The following SLC22A23 variants were observed in gnomAD, a reference collection of about 807,000 sequenced individuals.
The protein encoded by SLC22A23 is solute carrier family 22 member 23.
Under a neutral mutation model 61.0 loss-of-function variants are expected in SLC22A23, and 26 were observed. That is an observed-to-expected ratio of 0.43 (90% CI 0.31 to 0.59). The LOEUF (loss-of-function observed/expected upper bound fraction) is 0.59. SLC22A23 is among the 20% of genes least tolerant of loss of function. SLC22A23 has a pLI of 0.11. For synonymous variants in SLC22A23, 430 were observed against 413.9 expected, an observed-to-expected ratio of 1.04 and a Z score of -0.47; for missense variants, 796 against 934.7, an observed-to-expected ratio of 0.85 and a Z score of 1.94.
At position 3,414,360 on chromosome 6, in the gene SLC22A23, G is replaced by T. The variant is rs1404962753; in HGVS notation, c.758+1392C>A. Among the ~76,000 whole-genome samples the T allele has an allele frequency of 6.6e-6, 1 of 152,068 alleles. No homozygotes were observed. The highest frequency in any genetic ancestry group is 1.5e-5 in the Non-Finnish European group (1 of 68,016). On this transcript the variant is annotated intron_variant, in intron 2 of 9. Transcript: ENST00000406686. This position sits in a 1 kb window ranked among gnomAD's most constrained non-coding sequence, Gnocchi z 5.1. ...GGTTTAAAAAAATAAACCCTGTGTT[G>T]CCTCTACCAAAGAAAGCCCCCAAGA...
rs77448197 is a variant in SLC22A23, at chr6:3,329,099, C to T, written c.914-5097G>A. Reference sequence around the variant, plus strand: ...GAGCAGGGCTTGGCCCCAGCTCCAGCGGCTAAGGCATCTGCCCACCAGAAA... The same window carrying T: ...GAGCAGGGCTTGGCCCCAGCTCCAGTGGCTAAGGCATCTGCCCACCAGAAA... On this transcript the variant is annotated intron_variant, in intron 3 of 9. Coordinates refer to ENST00000406686, the MANE Select transcript of SLC22A23 (RefSeq NM_015482.2). This position sits in a 1 kb window ranked among gnomAD's most constrained non-coding sequence, Gnocchi z 4.8. 2.1e-4 allele frequency among the ~76,000 whole-genome samples: 32 copies of T among 152,142 alleles called. No individual in the cohort carries two copies. The highest frequency in any genetic ancestry group is 7.0e-4 in the African/African-American group (29 of 41,392).
At position 3,456,254 on chromosome 6, in the gene SLC22A23, G is replaced by A; in HGVS notation, c.306C>T (p.Leu102=). 1 of 1,551,442 alleles carries A rather than the reference G, an allele frequency of 6.4e-7. No individual in the cohort carries two copies. Among genetic ancestry groups the A allele is most frequent in the South Asian group, 1.2e-5 (1 of 84,058 alleles). Residue 102 remains leucine, a synonymous_variant, in exon 1 of 10, where the codon CTC becomes CTT. Transcript: ENST00000406686. This position sits in a 1 kb window ranked among gnomAD's most constrained non-coding sequence, Gnocchi z 7.1. The part of the protein sequence containing the change: ...GGGYQKTLVL[L]TWIPALFIGF... ...CGATGAACAGCGCCGGGATCCAGGT[G>A]AGCAGCACGAGGGTCTTCTGATAGC...
chr6:3,416,197 A>G lies in SLC22A23; in HGVS notation c.655-342T>C, dbSNP rs552988139. Among the ~76,000 whole-genome samples, 14 of 152,360 alleles carry G rather than the reference A, an allele frequency of 9.2e-5. No homozygotes were observed. In the East Asian group the frequency reaches 2.5e-3, roughly 27 times the overall value. ...CGGAGACCAGGCATCCCTGAGGACC[A>G]GTGGTCCCTCACCATGAAGAGCTGC... On this transcript the variant is annotated intron_variant, in intron 1 of 9. Coordinates refer to ENST00000406686, the MANE Select transcript of SLC22A23 (RefSeq NM_015482.2).
At chr6:3,439,727 CA>C (rs1322186893) in intron 1 of SLC22A23, among the ~76,000 whole-genome samples, 2 of 152,116 alleles carry the variant, frequency 1.3e-5, no homozygotes, top group Non-Finnish European at 2.9e-5. Flanking sequence ...GAAGTGTTTA[CA>C]GAGTACCTGC....
At chr6:3,346,163 C>T (rs1764424142) in intron 3 of SLC22A23, among the ~76,000 whole-genome samples, 1 of 152,160 alleles carries the variant, frequency 6.6e-6, no homozygotes, top group Admixed American at 6.5e-5. Context: ...CGTTCAAGGG[C>T]ACAGACTCTC....
chr6:3,403,670 C>T (rs1768592887), intron 3 of SLC22A23, among the ~76,000 whole-genome samples: 1 of 152,194 alleles, frequency 6.6e-6, no homozygotes, highest in Non-Finnish European at 1.5e-5. Context: ...TAAGAGGAAG[C>T]ACCCCTGGTT....
At chr6:3,420,383 A>G (rs895137162) in intron 1 of SLC22A23, among the ~76,000 whole-genome samples, 1 of 152,206 alleles carries the variant, frequency 6.6e-6, no homozygotes, top group African/African-American at 2.4e-5. Context: ...GGAGACTCAG[A>G]AAATTTCTAA....
chr6:3,326,497 A>G (rs1490330646), intron 3 of SLC22A23, among the ~76,000 whole-genome samples: 2 of 152,110 alleles, frequency 1.3e-5, no homozygotes, highest in Non-Finnish European at 2.9e-5. Context: ...CCAAAACTGT[A>G]AGCATGTTTT....
chr6:3,425,114 T>G (rs570459652), intron 1 of SLC22A23, among the ~76,000 whole-genome samples: 1 of 152,160 alleles, frequency 6.6e-6, no homozygotes, highest in Non-Finnish European at 1.5e-5. Context: ...ATTTAAATAA[T>G]TAATACATAA....
chr6:3,335,585 G>A (rs534956520), intron 3 of SLC22A23, among the ~76,000 whole-genome samples: 4 of 152,284 alleles, frequency 2.6e-5, no homozygotes, highest in South Asian at 4.1e-4. Flanking sequence ...CAGGTGACTC[G>A]ACAGGTCACA....
chr6:3,325,061 T>TCTTG (rs1763197206), intron 3 of SLC22A23, among the ~76,000 whole-genome samples: 1 of 152,218 alleles, frequency 6.6e-6, no homozygotes, highest in Admixed American at 6.5e-5. Flanking sequence ...TCTAAAGGCT[T>TCTTG]CTTGCTTGCT....
intron 1 of SLC22A23, among the ~76,000 whole-genome samples, chr6:3,422,052 G>A (rs1034811735): frequency 3.9e-5 from 6 of 152,116 alleles, no homozygotes; most frequent in Non-Finnish European, 4.4e-5. Context: ...TTTACCAATC[G>A]CTGTGCACAC....
chr6:3,387,110 A>G lies in SLC22A23; in HGVS notation c.913+23078T>C, dbSNP rs142632618. Among the ~76,000 whole-genome samples, 14 of 152,358 alleles carry G rather than the reference A, an allele frequency of 9.2e-5. No homozygotes were observed. The East Asian group carries it at 2.7e-3, about 29-fold the overall frequency. The stretch of plus-strand genomic sequence containing the variant: ...AGCAGTGTACCTAGCCACATGGATT[A>G]TCTGCCCTTCATAGCTGTGAGTCCC... On this transcript the variant is annotated intron_variant, in intron 3 of 9. Coordinates refer to ENST00000406686, the MANE Select transcript of SLC22A23 (RefSeq NM_015482.2). This position sits in a 1 kb window ranked among gnomAD's most constrained non-coding sequence, Gnocchi z 5.0.
At chr6:3,413,793 G>T (rs1769452335) in intron 2 of SLC22A23, among the ~76,000 whole-genome samples, 1 of 152,190 alleles carries the variant, frequency 6.6e-6, no homozygotes, top group South Asian at 2.1e-4. Flanking sequence ...CAAGGCTCAA[G>T]CAGGGAGTCA....
chr6:3,339,284 C>G (rs1458052575), intron 3 of SLC22A23, among the ~76,000 whole-genome samples: 3 of 152,194 alleles, frequency 2.0e-5, no homozygotes, highest in African/African-American at 7.2e-5. Context: ...TAGATGAAGA[C>G]AGATGGTGAT....
At chr6:3,281,852 C>T (rs1370859069) in intron 9 of SLC22A23, among the ~76,000 whole-genome samples, 3 of 152,116 alleles carry the variant, frequency 2.0e-5, no homozygotes, top group Admixed American at 2.0e-4. Flanking sequence ...TTCCTTTCAT[C>T]CTCTGCAGGC....
intron 9 of SLC22A23, among the ~76,000 whole-genome samples, chr6:3,277,741 G>T (rs149273549): frequency 2.0e-5 from 3 of 152,338 alleles, no homozygotes; most frequent in Non-Finnish European, 4.4e-5. Flanking sequence ...GCTATAGTCG[G>T]ATTTCTAGAC....
chr6:3,379,069 C>T (rs1766789387), intron 3 of SLC22A23, among the ~76,000 whole-genome samples: 1 of 152,298 alleles, frequency 6.6e-6, no homozygotes, highest in Admixed American at 6.5e-5. Context: ...TCCCTGCCAG[C>T]ATGACACTTT....
chr6:3,280,068 C>T (rs1342980336), intron 9 of SLC22A23, among the ~76,000 whole-genome samples: 1 of 152,158 alleles, frequency 6.6e-6, no homozygotes, highest in East Asian at 1.9e-4. Flanking sequence ...GACTAAATTT[C>T]TGTGAAGTTG....
Sources: allele counts gnomAD v4.1 joint callset (sites outside exome capture counted in the v4.1 genomes callset), GRCh38; gene constraint gnomAD v4.1.1; non-coding constraint Gnocchi (gnomAD v3.1); transcripts MANE v1.5; gene names NCBI Gene and HGNC (gene_info 2026-07-23, HGNC 2026-07-21).